ZFP14: variants seen among roughly 807,000 people sequenced by gnomAD.
ZFP14 encodes the protein ZFP14 zinc finger protein, also known as zinc finger protein 14 homolog.
In ZFP14, 22 loss-of-function variants were observed where a neutral mutation model predicts 54.5. The ratio of observed to expected loss-of-function variants is 0.40; its 90% CI spans 0.29 to 0.58. ZFP14 has a LOEUF of 0.58. Ranked by LOEUF, ZFP14 falls within the 20% of genes least tolerant of loss-of-function variation. ZFP14 has a pLI of 0.39. For synonymous variants in ZFP14, 159 were observed against 204.0 expected, an observed-to-expected ratio of 0.78 and a Z score of 1.88; for missense variants, 470 against 637.8, an observed-to-expected ratio of 0.74 and a Z score of 2.83.
rs1042204593 is a variant in ZFP14 at position 36,341,722 on chromosome 19, C to T, written c.236-132G>A. 1.2e-6 allele frequency: 1 copy of T among 807,360 alleles called. No individual in the cohort carries two copies. Among genetic ancestry groups the T allele is most frequent in the Non-Finnish European group, 1.8e-6 (1 of 553,306 alleles). The allele number at this position is 807,360 out of a possible 1,614,324, so 50.0% of individuals were successfully genotyped here. On this transcript the variant is annotated intron_variant, in intron 4 of 4. Coordinates refer to ENST00000270001, the MANE Select transcript of ZFP14 (RefSeq NM_020917.3). This position sits in a 1 kb window ranked among gnomAD's most constrained non-coding sequence, Gnocchi z 4.2. The stretch of plus-strand genomic sequence containing the variant: ...CCTGTTACAAATTGAATGGATTAGA[C>T]AGATCTCAAACATAGACATTTCTGC...
chr19:36,376,303 T>C (rs890990265), intron 1 of ZFP14, among the ~76,000 whole-genome samples: 2 of 152,128 alleles, frequency 1.3e-5, no homozygotes, highest in Non-Finnish European at 2.9e-5. Context: ...TCCCAGCACT[T>C]TGGGAGGCCA....
chr19:36,363,893 C>T (rs61706074), intron 2 of ZFP14, among the ~76,000 whole-genome samples: 35,050 of 151,550 alleles, frequency 0.23, 4,272 homozygotes, highest in African/African-American at 0.32. Flanking sequence ...AGGAGGCTGA[C>T]GCAGTAGAAT....
At chr19:36,367,307 G>A (rs898577602) in intron 2 of ZFP14, among the ~76,000 whole-genome samples, 4 of 152,122 alleles carry the variant, frequency 2.6e-5, no homozygotes, top group Non-Finnish European at 4.4e-5. Flanking sequence ...TTAACAGGAG[G>A]ACATTCTGCA....
At chr19:36,343,090 G>A (rs1489558640) in intron 4 of ZFP14, among the ~76,000 whole-genome samples, 1 of 152,134 alleles carries the variant, frequency 6.6e-6, no homozygotes, top group Non-Finnish European at 1.5e-5. Context: ...TTTTAAGTGT[G>A]GATAAGAATC....
chr19:36,368,732 G>A (rs2031834066), intron 1 of ZFP14, among the ~76,000 whole-genome samples: 1 of 152,170 alleles, frequency 6.6e-6, no homozygotes, highest in East Asian at 1.9e-4. Flanking sequence ...GAACCTGGCA[G>A]CTTCTGCCAA....
At chr19:36,351,870 G>T (rs2145548155) in intron 4 of ZFP14, among the ~76,000 whole-genome samples, 1 of 142,258 alleles carries the variant, frequency 7.0e-6, no homozygotes, top group South Asian at 2.2e-4. Flanking sequence ...AAAAATAAAT[G>T]AATACATTTT....
In ZFP14 at chr19:36,360,437, G is replaced by A. The variant is rs570535790; in HGVS notation, c.233C>T (p.Pro78Leu). ...VVREGTRRYCPDLESRYRTNT... is the reference protein window; with the variant it reads ...VVREGTRRYCLDLESRYRTNT... ...ATGCCTGCTCAGCCCTCACTCACCA[G>A]GGCAGTATCTTCTTGTCCCTTCCCT... Residue 78 changes from proline (P) to leucine (L), a missense_variant and splice_region_variant, in exon 4 of 5, where the codon CCT (proline) becomes CTT (leucine). Transcript: ENST00000270001. 2 of 1,613,084 alleles carry A rather than the reference G, an allele frequency of 1.2e-6. No homozygotes were observed. The highest frequency in any genetic ancestry group is 1.1e-5 in the South Asian group (1 of 90,806).
chr19:36,360,958 T>C (rs116289044), intron 3 of ZFP14, among the ~76,000 whole-genome samples: 2,797 of 152,310 alleles, frequency 0.018, 53 homozygotes, highest in African/African-American at 0.062. Context: ...TATCTTCTCA[T>C]AGCGTTGTTG....
At chr19:36,367,479 G>C (rs1473985605) in intron 2 of ZFP14, among the ~76,000 whole-genome samples, 1 of 152,056 alleles carries the variant, frequency 6.6e-6, no homozygotes, top group African/African-American at 2.4e-5. Context: ...AAAAGAACTG[G>C]AGTAGGTTCT....
Position 36,340,860 on chromosome 19 carries a change from T to A in ZFP14, c.966A>T (p.Val322=). 1 of 1,614,004 alleles carries A rather than the reference T, an allele frequency of 6.2e-7. No individual in the cohort carries two copies. Among genetic ancestry groups the A allele is most frequent in the Non-Finnish European group, 8.5e-7 (1 of 1,180,004 alleles). The change falls in exon 5 of 5, where the codon GTA becomes GTT. Residue 322 remains valine, a synonymous_variant. Transcript: ENST00000270001. The surrounding 1 kb of genome is among the most constrained non-coding windows in gnomAD (Gnocchi z 5.4). ...GATGTACTCTAAGGTCTGGACCACA[T>A]ACGAAGGCTTTCCCACATTCCTTAC... is the stretch of plus-strand genomic sequence containing the variant. The part of the protein sequence containing the change: ...YECKECGKAF[V]CGPDLRVHQK...
chr19:36,362,321 T>G, intron 2 of ZFP14, 83 bp from the exon 3 acceptor site: 1 of 1,443,164 alleles, frequency 6.9e-7, no homozygotes, highest in Non-Finnish European at 9.3e-7. Flanking sequence ...AGGATTGCAT[T>G]GCAGAGAGGG....
chr19:36,360,205 A>G, intron 4 of ZFP14: 2 of 325,062 alleles, frequency 6.2e-6, no homozygotes, highest in Non-Finnish European at 1.1e-5. Flanking sequence ...TTAAAGTAGG[A>G]TAGAAATATG....
chr19:36,359,086 C>T (rs939445654), intron 4 of ZFP14, among the ~76,000 whole-genome samples: 8 of 152,256 alleles, frequency 5.3e-5, no homozygotes, highest in Non-Finnish European at 8.8e-5. Flanking sequence ...ACCTCCAAAA[C>T]GGTAAGAAAT....
intron 4 of ZFP14, among the ~76,000 whole-genome samples, chr19:36,342,940 T>C (rs1202773289): frequency 6.6e-6 from 1 of 152,204 alleles, no homozygotes; most frequent in African/African-American, 2.4e-5. Context: ...CACAATTCTT[T>C]TGCCACTATT....
intron 2 of ZFP14, among the ~76,000 whole-genome samples, chr19:36,364,871 A>T (rs1277340201): frequency 6.6e-6 from 1 of 152,008 alleles, no homozygotes; most frequent in Non-Finnish European, 1.5e-5. Flanking sequence ...AACATCAGTA[A>T]TCCATTCCTG....
rs146085905 is a variant in ZFP14, at chr19:36,341,139, T to C, written c.687A>G (p.Glu229=). ...HKLHTGEKPY[E]CKECGKAFTV... is the part of the protein sequence containing the mutation. Reference sequence around the variant, plus strand: ...TAAAGGCCTTCCCACACTCCTTACATTCATAGGGTTTCTCACCGGTGTGAA... The same window carrying C: ...TAAAGGCCTTCCCACACTCCTTACACTCATAGGGTTTCTCACCGGTGTGAA... The change falls in exon 5 of 5, where the codon GAA becomes GAG. Residue 229 remains glutamate (E), a synonymous_variant. Coordinates refer to ENST00000270001, the MANE Select transcript of ZFP14 (RefSeq NM_020917.3). The surrounding 1 kb of genome is among the most constrained non-coding windows in gnomAD (Gnocchi z 4.2). The C allele has an allele frequency of 8.0e-4, 1,285 of 1,614,138 alleles. 3 individuals carry two copies. Among genetic ancestry groups the C allele is most frequent in the Non-Finnish European group, 1.0e-3 (1,238 of 1,180,004 alleles).
intron 1 of ZFP14, among the ~76,000 whole-genome samples, chr19:36,373,171 G>T (rs1185898633): frequency 6.6e-6 from 1 of 152,040 alleles, no homozygotes; most frequent in Non-Finnish European, 1.5e-5. Flanking sequence ...CAGTTACTCA[G>T]GAGGCTGAGG....
At chr19:36,369,390 T>C (rs762780320) in intron 1 of ZFP14, among the ~76,000 whole-genome samples, 2 of 152,036 alleles carry the variant, frequency 1.3e-5, no homozygotes, top group African/African-American at 2.4e-5. Context: ...GCCCGTTTCT[T>C]TTTTCTTTTT....
intron 2 of ZFP14, among the ~76,000 whole-genome samples, chr19:36,364,994 C>CTTTTTTTTTTTTTTTTT (rs398034482): frequency 1.6e-5 from 1 of 62,002 alleles, no homozygotes; most frequent in Non-Finnish European, 2.9e-5. Flanking sequence ...TTTTCTTTTT[C>CTTTTTTTTTTTTTTTTT]TTTTTTTTTT....
Sources: allele counts gnomAD v4.1 joint callset (sites outside exome capture counted in the v4.1 genomes callset), GRCh38; gene constraint gnomAD v4.1.1; non-coding constraint Gnocchi (gnomAD v3.1); transcripts MANE v1.5; gene names NCBI Gene and HGNC (gene_info 2026-07-23, HGNC 2026-07-21).